Variants in TEKT3 observed in about 807,000 individuals in gnomAD.
TEKT3 encodes the protein tektin-3.
TEKT3 carries 49 observed loss-of-function variants against 49.8 expected under a neutral mutation model. The observed-to-expected ratio is 0.98, with a 90% confidence interval of 0.78 to 1.25. The LOEUF (loss-of-function observed/expected upper bound fraction) is 1.25. Ranked by LOEUF, TEKT3 falls within the 50% of genes most tolerant of loss-of-function variation. The pLI, the probability that TEKT3 is intolerant of heterozygous loss-of-function variation, is 0.00. For missense variants in TEKT3, 595 were observed against 629.5 expected, an observed-to-expected ratio of 0.95 and a Z score of 0.59; for synonymous variants, 225 against 237.2, an observed-to-expected ratio of 0.95 and a Z score of 0.47.
chr17:15,330,148 T>C lies in TEKT3; in HGVS notation c.579+859A>G, dbSNP rs1379827790. 5.3e-5 allele frequency among the ~76,000 whole-genome samples: 8 copies of C among 152,338 alleles called. No individual in the cohort carries two copies. The South Asian group carries it at 1.4e-3, about 28-fold the overall frequency. On this transcript the variant is annotated intron_variant, in intron 3 of 8. Coordinates refer to ENST00000395930, the MANE Select transcript of TEKT3 (RefSeq NM_031898.3). Reference sequence around the variant, plus strand: ...GCCCTAAGATGGTCTCATTTGATGATGTCACTACATCCTAAAAGGGAATCA... The same window carrying C: ...GCCCTAAGATGGTCTCATTTGATGACGTCACTACATCCTAAAAGGGAATCA...
At chr17:15,323,770 G>C (rs1412506549) in intron 4 of TEKT3, among the ~76,000 whole-genome samples, 2 of 152,102 alleles carry the variant, frequency 1.3e-5, no homozygotes, top group African/African-American at 2.4e-5. Flanking sequence ...AATGACCGAA[G>C]CTCCTCCCTC....
chr17:15,319,876 T>C (rs1329625974), intron 4 of TEKT3, among the ~76,000 whole-genome samples: 1 of 152,220 alleles, frequency 6.6e-6, no homozygotes, highest in Non-Finnish European at 1.5e-5. Flanking sequence ...ATTAGAAAAG[T>C]GCACATTGTT....
intron 4 of TEKT3, among the ~76,000 whole-genome samples, chr17:15,320,274 T>A (rs1911194920): frequency 6.6e-6 from 1 of 152,232 alleles, no homozygotes; most frequent in Admixed American, 6.5e-5. Context: ...TTTTTGCTTG[T>A]GTCAACTACC....
intron 6 of TEKT3, 141 bp from the exon 7 acceptor site, chr17:15,312,622 G>A: frequency 5.8e-6 from 4 of 684,496 alleles, no homozygotes; most frequent in East Asian, 5.5e-5. Flanking sequence ...ATATCAGAAT[G>A]AGGCTTATTT....
intron 5 of TEKT3, among the ~76,000 whole-genome samples, chr17:15,315,215 C>T (rs552926239): frequency 3.3e-5 from 5 of 152,078 alleles, no homozygotes; most frequent in African/African-American, 1.2e-4. Flanking sequence ...AGAAAAGAGA[C>T]CAGGACTGTG....
intron 7 of TEKT3, 148 bp downstream of exon 7, chr17:15,312,111 C>G (rs755640783): frequency 1.5e-6 from 1 of 678,876 alleles, no homozygotes; most frequent in Non-Finnish European, 2.5e-6. Flanking sequence ...AAATGGCATG[C>G]TTTGTGCTGT....
chr17:15,328,193 C>A, intron 3 of TEKT3, 118 bp from the exon 4 acceptor site: 1 of 807,954 alleles, frequency 1.2e-6, no homozygotes, highest in South Asian at 1.7e-5. Flanking sequence ...CTTTTCCAGC[C>A]CTTTTGTGAA....
chr17:15,336,420 A>G (rs2150754545), intron 2 of TEKT3, among the ~76,000 whole-genome samples: 1 of 152,308 alleles, frequency 6.6e-6, no homozygotes, highest in Non-Finnish European at 1.5e-5. Context: ...ACGAAATCCA[A>G]AAGAATTCAT....
Position 15,331,488 on chromosome 17 carries a change from T to A in TEKT3, c.98A>T (p.Tyr33Phe). Residue 33 changes from tyrosine (Y) to phenylalanine (F), a missense_variant, in exon 3 of 9, where the codon TAC becomes TTC. Coordinates refer to ENST00000395930, the MANE Select transcript of TEKT3 (RefSeq NM_031898.3). ...LPAISTMASS[Y>F]RDRFPHSNLT... ...ATTGGAGTGGGGAAAGCGGTCCCTG[T>A]AGCTTGAGGCCATGGTACTGATGGC... The A allele has an allele frequency of 1.2e-6, 2 of 1,614,096 alleles. No individual in the cohort carries two copies. Among genetic ancestry groups the A allele is most frequent in the Non-Finnish European group, 8.5e-7 (1 of 1,180,014 alleles).
chr17:15,308,621 G>A (rs759697197), intron 8 of TEKT3, 43 bp downstream of exon 8: 2 of 1,585,494 alleles, frequency 1.3e-6, no homozygotes, highest in Non-Finnish European at 1.7e-6. Flanking sequence ...AGTTGGTCTG[G>A]TGGCCCTCCG....
At chr17:15,328,142 A>G in intron 3 of TEKT3, 67 bp from the exon 4 acceptor site, 2 of 1,441,976 alleles carry the variant, frequency 1.4e-6, no homozygotes, top group South Asian at 2.3e-5. Flanking sequence ...AGCTCTAATA[A>G]TTTGTTTCAA....
Position 15,329,276 on chromosome 17 carries a change from G to A in TEKT3, c.580-1201C>T, listed in dbSNP as rs146983541. Among the ~76,000 whole-genome samples the A allele has an allele frequency of 1.9e-3, 295 of 152,172 alleles. 1 individual carries two copies. The highest frequency in any genetic ancestry group is 6.6e-3 in the African/African-American group (276 of 41,510). On this transcript the variant is annotated intron_variant, in intron 3 of 8. Transcript: ENST00000395930. ...ATATTTTCTCTTTGGAGGCTTATCT[G>A]TTCATGTGACTCAATTTAAAAAGGA...
chr17:15,341,503 A>G lies in TEKT3; in HGVS notation c.-64+15T>C, dbSNP rs1211018168. The G allele has an allele frequency of 6.6e-6, 1 of 152,304 alleles. No homozygotes were observed. Among genetic ancestry groups the G allele is most frequent in the East Asian group, 1.9e-4 (1 of 5,162 alleles). 9.4% of individuals were successfully genotyped at this position (152,304 alleles called of 1,614,324 possible). On this transcript the variant is annotated intron_variant, in intron 1 of 8. Transcript: ENST00000395930. ...GTAGTCCTAGAGGCAGGCTAGAGTC[A>G]GCGAGACCACTCACCTGTCGGCGGA... is the stretch of plus-strand genomic sequence containing the variant.
chr17:15,317,414 A>G (rs1047156698), intron 5 of TEKT3, among the ~76,000 whole-genome samples: 18 of 152,206 alleles, frequency 1.2e-4, no homozygotes, highest in African/African-American at 4.3e-4. Context: ...ACCACACTAA[A>G]CATGTTTCTA....
rs1911757457 is a variant in TEKT3 at position 15,331,615 on chromosome 17, C to A, written c.-29-1G>T. 1.3e-6 allele frequency: 2 copies of A among 1,562,796 alleles called. No homozygotes were observed. Among genetic ancestry groups the A allele is most frequent in the Middle Eastern group, 1.7e-4 (1 of 5,830 alleles). ...CCAAAACACTATTTGTAAATCTCTCCTGTTAAAAAATAAAAAGTAAAATAA... is the reference window on the plus strand; with the variant it reads ...CCAAAACACTATTTGTAAATCTCTCATGTTAAAAAATAAAAAGTAAAATAA... On this transcript the variant is annotated splice_acceptor_variant, in intron 2 of 8. Transcript: ENST00000395930. LOFTEE classifies it low-confidence loss of function (5UTR_SPLICE).
chr17:15,333,608 G>C (rs1911863770), intron 2 of TEKT3, among the ~76,000 whole-genome samples: 1 of 152,068 alleles, frequency 6.6e-6, no homozygotes, highest in African/African-American at 2.4e-5. Flanking sequence ...AGGCATTAGG[G>C]TCCTTAAAGT....
rs899345403 is a variant in TEKT3 at position 15,331,394 on chromosome 17, G to A, written c.192C>T (p.Ser64=). The change falls in exon 3 of 9, where the codon AGC becomes AGT. Residue 64 remains serine (S), a synonymous_variant. Transcript: ENST00000395930. ...TYYKVASNSP[S]VAPYCTRSQR... Reference sequence around the variant, plus strand: ...GTGATCTGGTGCAGTACGGGGCCACGCTTGGGGAATTGGAGGCGACTTTGT... The same window carrying A: ...GTGATCTGGTGCAGTACGGGGCCACACTTGGGGAATTGGAGGCGACTTTGT... 41 of 1,613,976 alleles carry A rather than the reference G, an allele frequency of 2.5e-5. No homozygotes were observed. The highest frequency in any genetic ancestry group is 5.3e-5 in the African/African-American group (4 of 74,892).
chr17:15,333,364 T>A lies in TEKT3; in HGVS notation c.-29-1750A>T, dbSNP rs183273155. ...AAAATAATCTATCTGTAGAATTGCG[T>A]TCAAGTCAAAATCCACACAGATCAC... On this transcript the variant is annotated intron_variant, in intron 2 of 8. Transcript: ENST00000395930. Among the ~76,000 whole-genome samples the A allele has an allele frequency of 3.2e-3, 486 of 152,302 alleles. 4 individuals are homozygous for A. The highest frequency in any genetic ancestry group is 0.011 in the African/African-American group (474 of 41,560).
chr17:15,312,199 G>T, intron 7 of TEKT3, 60 bp downstream of exon 7: 1 of 1,505,908 alleles, frequency 6.6e-7, no homozygotes, highest in Non-Finnish European at 9.2e-7. Context: ...GAGATTTGTA[G>T]TCCCAGAGCA....
Sources: gnomAD v4.1 joint callset for allele counts (sites outside exome capture counted in the v4.1 genomes callset) on GRCh38, gnomAD v4.1.1 for gene constraint, MANE v1.5 for transcripts, NCBI Gene and HGNC (gene_info 2026-07-23, HGNC 2026-07-21) for gene names.